The following FOXP2 variants were observed in gnomAD, a reference collection of about 807,000 sequenced individuals.
FOXP2 encodes forkhead box P2.
In FOXP2, 12 loss-of-function variants were observed where a neutral mutation model predicts 115.8. The ratio of observed to expected loss-of-function variants is 0.10; its 90% CI spans 0.07 to 0.17. The LOEUF (loss-of-function observed/expected upper bound fraction) is 0.17, where lower values mean the gene tolerates loss of function less well. Ranked by LOEUF, FOXP2 falls within the 10% of genes least tolerant of loss-of-function variation. The probability of loss-of-function intolerance (pLI) is 1.00; values close to 1 mark genes in which losing one functional copy is unlikely to be tolerated. For missense variants in FOXP2, 629 were observed against 843.5 expected, an observed-to-expected ratio of 0.75 and a Z score of 3.15; for synonymous variants, 328 against 297.7, an observed-to-expected ratio of 1.10 and a Z score of -1.05.
In FOXP2 at chr7:114,693,153, A is replaced by C. The variant is rs568881998; in HGVS notation, c.*3227A>C. The C allele has an allele frequency of 5.9e-5, 27 of 453,834 alleles. 1 individual carries two copies. The highest frequency in any genetic ancestry group is 9.7e-5 in the Non-Finnish European group (22 of 226,636). 28.1% of individuals were successfully genotyped at this position (453,834 alleles called of 1,614,324 possible). ...GCACAGTTGTACTATTTGAAAATCAATTAAAATTTTATGTGAATGTTACAA... is the reference window on the plus strand; with the variant it reads ...GCACAGTTGTACTATTTGAAAATCACTTAAAATTTTATGTGAATGTTACAA... On this transcript the variant is annotated 3_prime_UTR_variant, in exon 17 of 17. Transcript: ENST00000350908.
At chr7:114,276,656 G>A (rs887800978) in intron 1 of FOXP2, among the ~76,000 whole-genome samples, 4 of 152,094 alleles carry the variant, frequency 2.6e-5, no homozygotes, top group Non-Finnish European at 5.9e-5. Flanking sequence ...TTACAGCTCA[G>A]GTTTTCCTGT....
intron 2 of FOXP2, among the ~76,000 whole-genome samples, chr7:114,444,426 G>A (rs1476782677): frequency 1.3e-5 from 2 of 152,136 alleles, no homozygotes; most frequent in Non-Finnish European, 2.9e-5. Context: ...ACAACCACAA[G>A]TGTGGTGGTG....
At chr7:114,472,285 T>C (rs1210019828) in intron 2 of FOXP2, among the ~76,000 whole-genome samples, 2 of 152,058 alleles carry the variant, frequency 1.3e-5, no homozygotes, top group East Asian at 1.9e-4. Context: ...ATATGGGGTA[T>C]TTTATATCAG....
chr7:114,371,487 T>C (rs972014471), intron 2 of FOXP2, among the ~76,000 whole-genome samples: 2 of 152,060 alleles, frequency 1.3e-5, no homozygotes, highest in African/African-American at 4.8e-5. Flanking sequence ...AAAAAATCTT[T>C]TAAAAAGATA....
chr7:114,594,016 A>G (rs560020999), intron 3 of FOXP2, among the ~76,000 whole-genome samples: 1 of 152,142 alleles, frequency 6.6e-6, no homozygotes, highest in South Asian at 2.1e-4. Flanking sequence ...ACAAGGACCT[A>G]TTTTATAAAA....
chr7:114,644,851 C>G, intron 8 of FOXP2, 62 bp downstream of exon 8: 1 of 1,225,370 alleles, frequency 8.2e-7, no homozygotes, highest in Non-Finnish European at 1.2e-6. Flanking sequence ...ATTTTAGGCA[C>G]ATTGTAAATA....
chr7:114,192,769 A>C (rs1793795025), intron 1 of FOXP2, among the ~76,000 whole-genome samples: 1 of 152,218 alleles, frequency 6.6e-6, no homozygotes, highest in African/African-American at 2.4e-5. Flanking sequence ...ACATTTATAG[A>C]AGACAGATTC....
intron 1 of FOXP2, among the ~76,000 whole-genome samples, chr7:114,250,261 G>T (rs10429104): frequency 0.077 from 11,667 of 151,986 alleles, 1,075 homozygotes; most frequent in African/African-American, 0.22. Flanking sequence ...AACATACGTG[G>T]GCATGTGTCT....
chr7:114,379,292 C>T (rs1244945153), intron 2 of FOXP2, among the ~76,000 whole-genome samples: 2 of 152,070 alleles, frequency 1.3e-5, no homozygotes, highest in Non-Finnish European at 2.9e-5. Context: ...TTAGTGAGCT[C>T]TCTGATTGGT....
At chr7:114,187,360 C>G (rs1158088053) in intron 1 of FOXP2, among the ~76,000 whole-genome samples, 1 of 152,142 alleles carries the variant, frequency 6.6e-6, no homozygotes, top group Non-Finnish European at 1.5e-5. Context: ...CTTTTAAGTT[C>G]TGCCCTCCAT....
intron 2 of FOXP2, among the ~76,000 whole-genome samples, chr7:114,301,802 T>C (rs1035594592): frequency 2.0e-5 from 3 of 152,106 alleles, no homozygotes; most frequent in African/African-American, 7.2e-5. Context: ...ATGATTCCCT[T>C]GCATCTCAAG....
At chr7:114,626,539 CTCTCTCTCTCTCTG>C (rs1036463756) in intron 3 of FOXP2, among the ~76,000 whole-genome samples, 49 of 147,682 alleles carry the variant, frequency 3.3e-4, no homozygotes, top group African/African-American at 1.3e-3. Context: ...ATATCTCTCT[CTCTCTCTCTCTCTG>C]TCTCTCTCTC....
At chr7:114,615,433 A>G (rs1031050927) in intron 3 of FOXP2, among the ~76,000 whole-genome samples, 4 of 152,100 alleles carry the variant, frequency 2.6e-5, no homozygotes, top group South Asian at 2.1e-4. Flanking sequence ...TAACCTCCAT[A>G]TTGACCAAGA....
chr7:114,591,805 T>C (rs2129308308), intron 3 of FOXP2, among the ~76,000 whole-genome samples: 1 of 152,230 alleles, frequency 6.6e-6, no homozygotes, highest in Admixed American at 6.5e-5. Context: ...GAGTGTTCTC[T>C]CCCAAGATTC....
At chr7:114,491,372 ATTTG>A (rs1797044037) in intron 2 of FOXP2, among the ~76,000 whole-genome samples, 1 of 151,880 alleles carries the variant, frequency 6.6e-6, no homozygotes, top group Non-Finnish European at 1.5e-5. Context: ...TTTCTTGTAA[ATTTG>A]TTTGAGTTCA....
chr7:114,386,852 T>C (rs1163420992), intron 2 of FOXP2, among the ~76,000 whole-genome samples: 2 of 152,266 alleles, frequency 1.3e-5, no homozygotes, highest in African/African-American at 4.8e-5. Flanking sequence ...ATGAAATATC[T>C]ACTTACTGTT....
At chr7:114,331,122 T>C (rs540985320) in intron 2 of FOXP2, among the ~76,000 whole-genome samples, 105 of 152,246 alleles carry the variant, frequency 6.9e-4, no homozygotes, top group African/African-American at 2.5e-3. Context: ...GGAGTACAAA[T>C]CTGAGCAAAA....
At chr7:114,375,890 T>C (rs773658683) in intron 2 of FOXP2, among the ~76,000 whole-genome samples, 6 of 151,856 alleles carry the variant, frequency 4.0e-5, no homozygotes, top group Non-Finnish European at 7.4e-5. Flanking sequence ...TGCCCAGATT[T>C]AAATGGAAGG....
At chr7:114,639,475 G>T (rs187782697) in intron 6 of FOXP2, among the ~76,000 whole-genome samples, 4 of 149,674 alleles carry the variant, frequency 2.7e-5, no homozygotes, top group Admixed American at 6.7e-5. Context: ...ATAACAAGAG[G>T]TAGACTAGAT....
Sources: allele counts gnomAD v4.1 joint callset (sites outside exome capture counted in the v4.1 genomes callset), GRCh38; gene constraint gnomAD v4.1.1; transcripts MANE v1.5; gene names NCBI Gene and HGNC (gene_info 2026-07-23, HGNC 2026-07-21).